The following QKI variants were observed in gnomAD, a reference collection of about 807,000 sequenced individuals.
QKI encodes QKI, KH domain containing RNA binding, also known as KH domain-containing RNA-binding protein QKI.
In QKI, 10 loss-of-function variants were observed where a neutral mutation model predicts 39.0. That is an observed-to-expected ratio of 0.26 (90% confidence interval 0.16 to 0.43). The LOEUF is 0.43. Among genes scored for constraint, QKI ranks in the 20% least tolerant of loss-of-function variants. The pLI is 1.00. For synonymous variants in QKI, 204 were observed against 155.4 expected (o/e 1.31, Z -2.33); for missense variants, 218 against 428.0 (o/e 0.51, Z 4.33).
intron 4 of QKI, among the ~76,000 whole-genome samples, chr6:163,542,068 A>G (rs1781555283): frequency 6.6e-6 from 1 of 151,934 alleles, no homozygotes; most frequent in African/African-American, 2.4e-5. Context: ...TCCCTACAAA[A>G]TGTACCCTGT....
intron 1 of QKI, among the ~76,000 whole-genome samples, chr6:163,444,180 C>T (rs1789970535): frequency 6.6e-6 from 1 of 152,094 alleles, no homozygotes; most frequent in Non-Finnish European, 1.5e-5. Context: ...ATATACAGCC[C>T]TTGCCTGTAG....
intron 3 of QKI, among the ~76,000 whole-genome samples, chr6:163,530,716 A>C (rs1780794894): frequency 6.6e-6 from 1 of 152,104 alleles, no homozygotes; most frequent in Non-Finnish European, 1.5e-5. Context: ...GATGTGGAAA[A>C]CGGGTTGGTC....
At chr6:163,545,995 CTA>C (rs1454771012) in intron 4 of QKI, among the ~76,000 whole-genome samples, 2 of 147,992 alleles carry the variant, frequency 1.4e-5, no homozygotes, top group Non-Finnish European at 3.0e-5. Context: ...TTAATGTAAA[CTA>C]TTTTATAATT....
intron 3 of QKI, among the ~76,000 whole-genome samples, chr6:163,498,514 G>T (rs924161536): frequency 1.3e-5 from 2 of 152,036 alleles, no homozygotes; most frequent in East Asian, 1.9e-4. Context: ...TGTGACTCTT[G>T]GTGCATTGGC....
At chr6:163,465,126 T>C (rs75700608) in intron 2 of QKI, among the ~76,000 whole-genome samples, 11,992 of 152,170 alleles carry the variant, frequency 0.079, 535 homozygotes, top group Middle Eastern at 0.12. Flanking sequence ...TTTGACAAAA[T>C]GTAACATCCT....
At chr6:163,561,912 T>C (rs1783046017) in intron 4 of QKI, 70 bp from the exon 5 acceptor site, 1 of 1,181,202 alleles carries the variant, frequency 8.5e-7, no homozygotes, top group African/African-American at 1.5e-5. Context: ...TTAAGGCTTG[T>C]GTGTAGATAT....
At chr6:163,514,960 C>T (rs1457614196) in intron 3 of QKI, among the ~76,000 whole-genome samples, 1 of 152,070 alleles carries the variant, frequency 6.6e-6, no homozygotes, top group Admixed American at 6.5e-5. Context: ...AAAAGACAAG[C>T]CACAGAGTGG....
chr6:163,511,511 G>A (rs966095513), intron 3 of QKI, among the ~76,000 whole-genome samples: 5 of 151,782 alleles, frequency 3.3e-5, no homozygotes, highest in Non-Finnish European at 5.9e-5. Flanking sequence ...TAATAAAATA[G>A]GAGACATCAC....
At chr6:163,439,745 G>T (rs1449582425) in intron 1 of QKI, among the ~76,000 whole-genome samples, 2 of 151,064 alleles carry the variant, frequency 1.3e-5, no homozygotes, top group African/African-American at 4.9e-5. Flanking sequence ...CATCTCCAGG[G>T]TGTGAGCAAT....
At position 163,431,589 on chromosome 6, in the gene QKI, TAAAC is replaced by T. The variant is rs573663595; in HGVS notation, c.142+16260_142+16263del. Among the ~76,000 whole-genome samples, 47 of 152,254 alleles carry T rather than the reference TAAAC, an allele frequency of 3.1e-4. No individual in the cohort carries two copies. The South Asian group carries it at 5.2e-3, about 17-fold the overall frequency. On this transcript the variant is annotated intron_variant, in intron 1 of 7. Coordinates refer to ENST00000361752, the MANE Select transcript of QKI (RefSeq NM_006775.3). ...AAATACTTATCTTTGTTAGGTCATT[TAAAC>T]AAACATTAAGATGCAATTTTGTGAG...
intron 1 of QKI, among the ~76,000 whole-genome samples, chr6:163,428,665 C>T (rs1788594052): frequency 6.6e-6 from 1 of 151,746 alleles, no homozygotes; most frequent in Admixed American, 6.6e-5. Flanking sequence ...AAATACTGCT[C>T]ATTTAAGTTC....
In QKI at chr6:163,437,989, G is replaced by C. The variant is rs192152988; in HGVS notation, c.143-17290G>C. 1.3e-4 allele frequency among the ~76,000 whole-genome samples: 20 copies of C among 152,278 alleles called. No individual in the cohort carries two copies. The East Asian group carries it at 3.5e-3, about 26-fold the overall frequency. ...AAGCTAAATGTACTGTGAGGTTTGT[G>C]TTTGAGTAGCTTTTAAGGTTTTCTG... On this transcript the variant is annotated intron_variant, in intron 1 of 7. Coordinates refer to ENST00000361752, the MANE Select transcript of QKI (RefSeq NM_006775.3).
intron 3 of QKI, among the ~76,000 whole-genome samples, chr6:163,531,920 T>TA (rs566763560): frequency 2.0e-3 from 310 of 152,370 alleles, no homozygotes; most frequent in Non-Finnish European, 3.7e-3. Flanking sequence ...CAATTGTTTT[T>TA]AAAAGTGTAA....
At chr6:163,442,470 T>C (rs920073781) in intron 1 of QKI, among the ~76,000 whole-genome samples, 1 of 152,192 alleles carries the variant, frequency 6.6e-6, no homozygotes, top group Non-Finnish European at 1.5e-5. Flanking sequence ...TTCAGCAGGC[T>C]AACTCCAAAG....
intron 6 of QKI, chr6:163,565,929 C>G (rs369650792): frequency 1.2e-6 from 2 of 1,612,908 alleles, no homozygotes; most frequent in Admixed American, 3.3e-5. Flanking sequence ...TTTTAATTCC[C>G]TTCCTTTTAT....
At chr6:163,560,864 A>C (rs573311836) in intron 4 of QKI, among the ~76,000 whole-genome samples, 10 of 152,364 alleles carry the variant, frequency 6.6e-5, no homozygotes, top group African/African-American at 2.2e-4. Flanking sequence ...TTTGGGTGCT[A>C]TGCCAAAAAC....
rs975564839 is a variant in QKI, at chr6:163,446,173, GTATT to G, written c.143-9097_143-9094del. Among the ~76,000 whole-genome samples the G allele has an allele frequency of 2.0e-4, 30 of 152,058 alleles. 1 individual carries two copies. The highest frequency in any genetic ancestry group is 5.5e-4 in the African/African-American group (23 of 41,500). ...GGAAGAGCTGTCCCCTTTCCCCCTT[GTATT>G]TATTTATTCAGTTATTTATATCAAT... On this transcript the variant is annotated intron_variant, in intron 1 of 7. Transcript: ENST00000361752.
At chr6:163,477,814 A>T (rs1490082978) in intron 2 of QKI, among the ~76,000 whole-genome samples, 3 of 152,232 alleles carry the variant, frequency 2.0e-5, no homozygotes, top group African/African-American at 7.2e-5. Context: ...AGAAGTACCC[A>T]GCTTCTTAAG....
chr6:163,506,071 G>A (rs926931200), intron 3 of QKI, among the ~76,000 whole-genome samples: 7 of 137,634 alleles, frequency 5.1e-5, no homozygotes, highest in African/African-American at 1.9e-4. Context: ...CACCCCGCCC[G>A]CCTCCATCAC....
Sources: allele counts gnomAD v4.1 joint callset (sites outside exome capture counted in the v4.1 genomes callset), GRCh38; gene constraint gnomAD v4.1.1; transcripts MANE v1.5; gene names NCBI Gene and HGNC (gene_info 2026-07-23, HGNC 2026-07-21).